CACNA1H: variants seen among roughly 807,000 people sequenced by gnomAD.
The protein encoded by CACNA1H is voltage-dependent T-type calcium channel subunit alpha-1H.
CACNA1H carries 149 observed loss-of-function variants against 192.5 expected under a neutral mutation model. That is an observed-to-expected ratio of 0.77 (90% CI 0.68 to 0.89). CACNA1H has a LOEUF of 0.89. CACNA1H is among the 40% of genes least tolerant of loss of function. The pLI, the probability that CACNA1H is intolerant of heterozygous loss-of-function variation, is 0.00. For missense variants in CACNA1H, 4,257 were observed against 3,423.5 expected, an observed-to-expected ratio of 1.24 and a Z score of -6.08; for synonymous variants, 2,202 against 1,475.2, an observed-to-expected ratio of 1.49 and a Z score of -11.29.
At chr16:1,165,368 A>G (rs565766359) in intron 2 of CACNA1H, among the ~76,000 whole-genome samples, 1 of 152,320 alleles carries the variant, frequency 6.6e-6, no homozygotes, top group East Asian at 1.9e-4. Flanking sequence ...CTCCCGGGCC[A>G]CGCTCTTTCG....
In CACNA1H at chr16:1,156,169, C is replaced by T. The variant is rs1022817680; in HGVS notation, c.299+2133C>T. 2.6e-5 allele frequency among the ~76,000 whole-genome samples: 4 copies of T among 152,326 alleles called. No individual in the cohort carries two copies. In the East Asian group the frequency reaches 7.7e-4, roughly 29 times the overall value. ...CCCCCCACCCTCCTCGCCGCCAGCA[C>T]CTCTGGCACGCTTTGGCTCTCCCAG... On this transcript the variant is annotated intron_variant, in intron 2 of 34. Coordinates refer to ENST00000348261, the MANE Select transcript of CACNA1H (RefSeq NM_021098.3).
intron 34 of CACNA1H, among the ~76,000 whole-genome samples, chr16:1,219,582 C>T (rs910303252): frequency 2.0e-5 from 3 of 152,236 alleles, no homozygotes; most frequent in Admixed American, 1.3e-4. Flanking sequence ...AGCCTCAGCT[C>T]CTCTTCCTGC....
chr16:1,207,721 C>T (rs747926652), intron 14 of CACNA1H, 49 bp from the exon 15 acceptor site: 1 of 1,480,106 alleles, frequency 6.8e-7, no homozygotes, highest in Admixed American at 1.9e-5. Context: ...CATGAAGGGT[C>T]CCCACTCACG....
intron 2 of CACNA1H, among the ~76,000 whole-genome samples, chr16:1,190,505 C>CAG (rs1351659252): frequency 1.3e-5 from 2 of 152,016 alleles, no homozygotes; most frequent in Non-Finnish European, 2.9e-5. Flanking sequence ...CCTCTCTAGG[C>CAG]AGAGCCCCAG....
intron 26 of CACNA1H, among the ~76,000 whole-genome samples, chr16:1,213,148 A>C (rs1224963409): frequency 2.6e-5 from 4 of 152,238 alleles, no homozygotes; most frequent in Non-Finnish European, 5.9e-5. Context: ...GGAGTCCGGC[A>C]GACCCTAGAC....
Position 1,218,548 on chromosome 16 carries a change from C to A in CACNA1H, c.5784C>A (p.Pro1928=). 1 of 1,560,642 alleles carries A rather than the reference C, an allele frequency of 6.4e-7. No individual in the cohort carries two copies. Among genetic ancestry groups the A allele is most frequent in the African/African-American group, 1.4e-5 (1 of 73,696 alleles). ...KVSVSRMLSL[P]NDSYMFRPVV... ...CCGTGTCCAGGATGCTCTCGCTGCC[C>A]AACGACAGCTACATGTTCAGGCCCG... Residue 1928 remains proline (P), a synonymous_variant, in exon 33 of 35, where the codon CCC becomes CCA. Coordinates refer to ENST00000348261, the MANE Select transcript of CACNA1H (RefSeq NM_021098.3).
At chr16:1,187,451 T>C (rs2151792502) in intron 2 of CACNA1H, among the ~76,000 whole-genome samples, 1 of 152,338 alleles carries the variant, frequency 6.6e-6, no homozygotes, top group Admixed American at 6.5e-5. Context: ...TCCTTCCTGC[T>C]GTGGGTGCCT....
At chr16:1,186,151 ACGGT>A (rs1281483101) in intron 2 of CACNA1H, among the ~76,000 whole-genome samples, 15 of 105,890 alleles carry the variant, frequency 1.4e-4, no homozygotes, top group African/African-American at 4.1e-4. Flanking sequence ...GGGTGACTAG[ACGGT>A]CGGCGTGCGT....
At chr16:1,211,094 C>T (rs1232686576) in intron 21 of CACNA1H, 74 bp from the exon 22 acceptor site, 2 of 1,581,032 alleles carry the variant, frequency 1.3e-6, no homozygotes, top group East Asian at 2.2e-5. Context: ...CACCTTGGGA[C>T]CTTTGCTGAG....
At chr16:1,211,048 C>T in intron 21 of CACNA1H, 77 bp downstream of exon 21, 1 of 1,545,706 alleles carries the variant, frequency 6.5e-7, no homozygotes, top group Non-Finnish European at 8.7e-7. Context: ...ACTCCTCCCG[C>T]AGTCCTGGGC....
intron 5 of CACNA1H, among the ~76,000 whole-genome samples, chr16:1,197,067 C>T (rs1967071635): frequency 6.6e-6 from 1 of 152,218 alleles, no homozygotes. Flanking sequence ...GGCACTCCTT[C>T]CCATGGGGCC....
rs563810681 is a variant in CACNA1H at position 1,180,442 on chromosome 16, C to T, written c.300-14530C>T. Among the ~76,000 whole-genome samples, 13 of 152,276 alleles carry T rather than the reference C, an allele frequency of 8.5e-5. No individual in the cohort carries two copies. The South Asian group carries it at 2.5e-3, about 29-fold the overall frequency. On this transcript the variant is annotated intron_variant, in intron 2 of 34. Coordinates refer to ENST00000348261, the MANE Select transcript of CACNA1H (RefSeq NM_021098.3). The surrounding 1 kb of genome is among the most constrained non-coding windows in gnomAD (Gnocchi z 4.4). ...GGAGGCCCGAGGTCTGAAGGGAAAT[C>T]CCCAGTGGTGGGACTGGAGGTGCCG...
intron 2 of CACNA1H, among the ~76,000 whole-genome samples, chr16:1,154,807 A>G (rs1434809115): frequency 6.6e-6 from 1 of 152,136 alleles, no homozygotes; most frequent in Non-Finnish European, 1.5e-5. Flanking sequence ...GGTCAGGGCC[A>G]GGGGCATTTG....
intron 14 of CACNA1H, 145 bp downstream of exon 14, chr16:1,207,575 G>A: frequency 1.9e-6 from 2 of 1,052,736 alleles, no homozygotes; most frequent in East Asian, 2.6e-5. Context: ...GGGGAGGCCA[G>A]GAGCCCAGCG....
At position 1,180,566 on chromosome 16, in the gene CACNA1H, C is replaced by G. The variant is rs1303042842; in HGVS notation, c.300-14406C>G. Among the ~76,000 whole-genome samples the G allele has an allele frequency of 6.6e-6, 1 of 152,102 alleles. No homozygotes were observed. Among genetic ancestry groups the G allele is most frequent in the African/African-American group, 2.4e-5 (1 of 41,420 alleles). ...TCCTGAGCAGGGGCTGCAGTCACAG[C>G]CAGGCCGTGGGGGGGCCAGGGAGGA... On this transcript the variant is annotated intron_variant, in intron 2 of 34. Coordinates refer to ENST00000348261, the MANE Select transcript of CACNA1H (RefSeq NM_021098.3). This position sits in a 1 kb window ranked among gnomAD's most constrained non-coding sequence, Gnocchi z 4.4.
At chr16:1,173,381 C>T (rs1020315341) in intron 2 of CACNA1H, among the ~76,000 whole-genome samples, 6 of 152,184 alleles carry the variant, frequency 3.9e-5, no homozygotes, top group South Asian at 2.1e-4. Context: ...TCCAGAACAG[C>T]GGCTGCGCCT....
chr16:1,175,803 C>T (rs994780993), intron 2 of CACNA1H, among the ~76,000 whole-genome samples: 2 of 152,150 alleles, frequency 1.3e-5, no homozygotes, highest in African/African-American at 2.4e-5. Flanking sequence ...TTGCAGGCCG[C>T]GGGCGAGTTG....
intron 3 of CACNA1H, 26 bp from the exon 4 acceptor site, chr16:1,195,406 G>A (rs1206969569): frequency 2.6e-6 from 4 of 1,550,500 alleles, no homozygotes; most frequent in Admixed American, 3.9e-5. Flanking sequence ...CTGTTCCACG[G>A]GCCCTCCTGA....
chr16:1,210,091 G>A lies in CACNA1H; in HGVS notation c.3801G>A (p.Arg1267=), dbSNP rs1351447283. Residue 1267 remains arginine (R), a synonymous_variant, in exon 18 of 35, where the codon CGG becomes CGA. Coordinates refer to ENST00000348261, the MANE Select transcript of CACNA1H (RefSeq NM_021098.3). ...VLEPYKPQWC[R]SREAWALYLF... ...AGCCCTACAAGCCCCAGTGGTGCCG[G>A]AGCCGCGAGGCCTGGGCCCTCTACC... 5 of 1,560,008 alleles carry A rather than the reference G, an allele frequency of 3.2e-6. No homozygotes were observed. The highest frequency in any genetic ancestry group is 4.3e-6 in the Non-Finnish European group (5 of 1,152,794).
Sources: gnomAD v4.1 joint callset for allele counts (sites outside exome capture counted in the v4.1 genomes callset) on GRCh38, gnomAD v4.1.1 for gene constraint, Gnocchi (gnomAD v3.1) non-coding constraint, MANE v1.5 for transcripts, NCBI Gene and HGNC (gene_info 2026-07-23, HGNC 2026-07-21) for gene names.